The following IL12RB2 variants were observed in gnomAD, a reference collection of about 807,000 sequenced individuals.
IL12RB2 encodes interleukin 12 receptor subunit beta 2.
IL12RB2 carries 82 observed loss-of-function variants against 89.4 expected under a neutral mutation model. That is an observed-to-expected ratio of 0.92 (90% CI 0.77 to 1.10). The LOEUF (loss-of-function observed/expected upper bound fraction) is 1.10. Ranked by LOEUF, IL12RB2 falls within the 50% of genes least tolerant of loss-of-function variation. The pLI, the probability that IL12RB2 is intolerant of heterozygous loss-of-function variation, is 0.00. For missense variants in IL12RB2, 963 were observed against 1,031.9 expected, an observed-to-expected ratio of 0.93 and a Z score of 0.92; for synonymous variants, 368 against 370.1, an observed-to-expected ratio of 0.99 and a Z score of 0.07.
intron 9 of IL12RB2, among the ~76,000 whole-genome samples, chr1:67,349,127 C>G (rs1660554159): frequency 6.6e-6 from 1 of 152,158 alleles, no homozygotes; most frequent in South Asian, 2.1e-4. Context: ...ACATTTCACC[C>G]CTTCCTTTAG....
chr1:67,350,752 T>G (rs1165857084), intron 9 of IL12RB2, 118 bp from the exon 10 acceptor site: 3 of 1,542,988 alleles, frequency 1.9e-6, no homozygotes, highest in Non-Finnish European at 2.6e-6. Context: ...TGAGATGATA[T>G]GAACAAAAAG....
intron 2 of IL12RB2, among the ~76,000 whole-genome samples, chr1:67,315,639 G>A (rs558302140): frequency 6.6e-6 from 1 of 152,068 alleles, no homozygotes; most frequent in Non-Finnish European, 1.5e-5. Flanking sequence ...ATGGGACATG[G>A]GAGACATGAA....
intron 13 of IL12RB2, among the ~76,000 whole-genome samples, chr1:67,373,012 G>A (rs1228583645): frequency 1.3e-5 from 2 of 152,212 alleles, no homozygotes; most frequent in Non-Finnish European, 2.9e-5. Context: ...AAATTGCTAA[G>A]GATACAGAAA....
chr1:67,378,396 G>T (rs17129913), intron 13 of IL12RB2, among the ~76,000 whole-genome samples: 11,384 of 152,050 alleles, frequency 0.075, 841 homozygotes, highest in East Asian at 0.21. Context: ...CTGCAGGGGT[G>T]TTGAGAACAT....
chr1:67,398,130 G>T lies in IL12RB2; in HGVS notation c.*2041G>T, dbSNP rs750721217. Among the ~76,000 whole-genome samples, 1 of 151,838 alleles carries T rather than the reference G, an allele frequency of 6.6e-6. No homozygotes were observed. The highest frequency in any genetic ancestry group is 2.1e-4 in the South Asian group (1 of 4,814). ...CCACTCTATTTAGCTATTATTGTGCGGCACCCCCAATGGTTCCTTTCCTCT... is the reference window on the plus strand; with the variant it reads ...CCACTCTATTTAGCTATTATTGTGCTGCACCCCCAATGGTTCCTTTCCTCT... On this transcript the variant is annotated 3_prime_UTR_variant, in exon 17 of 17. Transcript: ENST00000674203.
chr1:67,340,047 A>G (rs947032033), intron 9 of IL12RB2, among the ~76,000 whole-genome samples: 1 of 152,164 alleles, frequency 6.6e-6, no homozygotes, highest in Non-Finnish European at 1.5e-5. Flanking sequence ...TAAGAATAAC[A>G]ATTATAAAGT....
In IL12RB2 at chr1:67,379,459, G is replaced by A. The variant is rs192500953; in HGVS notation, c.1718-527G>A. Among the ~76,000 whole-genome samples, 11 of 136,612 alleles carry A rather than the reference G, an allele frequency of 8.1e-5. No individual in the cohort carries two copies. The East Asian group carries it at 1.5e-3, about 19-fold the overall frequency. The allele number at this position is 136,612 out of a possible 152,430, so 89.6% of individuals were successfully genotyped here. A position where few individuals can be genotyped will look rare whatever the true frequency, so the allele number is the denominator to read the frequency against. On this transcript the variant is annotated intron_variant, in intron 13 of 16. Transcript: ENST00000674203. ...CAGGAGGCGGAGGTTGCAGTGAGCCGAGATCGCATCACTGCTCTCCAGCCT... is the reference window on the plus strand; with the variant it reads ...CAGGAGGCGGAGGTTGCAGTGAGCCAAGATCGCATCACTGCTCTCCAGCCT...
intron 16 of IL12RB2, among the ~76,000 whole-genome samples, chr1:67,391,623 T>C (rs1665838579): frequency 6.6e-6 from 1 of 151,148 alleles, no homozygotes; most frequent in East Asian, 1.9e-4. Flanking sequence ...CCCATAAACA[T>C]CTCTATGAGG....
rs1337806006 is a variant in IL12RB2, at chr1:67,313,919, G to A, written c.-118G>A. On this transcript the variant is annotated 5_prime_UTR_variant, in exon 2 of 17. In the 5' UTR this introduces an upstream ATG that the reference lacks. Transcript: ENST00000674203. The stretch of plus-strand genomic sequence containing the variant: ...GTCCCCTCTTTTTTTCTAGGTCACG[G>A]TGATCCATTTGTAAAGTCGGGAATA... 1 of 152,188 alleles carries A rather than the reference G, an allele frequency of 6.6e-6. No homozygotes were observed. The highest frequency in any genetic ancestry group is 1.5e-5 in the Non-Finnish European group (1 of 68,052). 9.4% of individuals were successfully genotyped at this position (152,188 alleles called of 1,614,324 possible). A position where few individuals can be genotyped will look rare whatever the true frequency, so the allele number is the denominator to read the frequency against.
intron 10 of IL12RB2, among the ~76,000 whole-genome samples, chr1:67,360,006 A>G (rs1274411738): frequency 6.6e-6 from 1 of 152,164 alleles, no homozygotes; most frequent in East Asian, 1.9e-4. Context: ...ACTGTAACTC[A>G]CAAATTGCTG....
chr1:67,367,905 G>A lies in IL12RB2; in HGVS notation c.1339G>A (p.Asp447Asn), dbSNP rs1662884710. Residue 447 changes from aspartate (D) to asparagine (N), a missense_variant, in exon 11 of 17, where the codon GAT becomes AAT. Coordinates refer to ENST00000674203, the MANE Select transcript of IL12RB2 (RefSeq NM_001374259.2). ...GGTGACTTGGCAGCCTCCCAGGAAA[G>A]ATCCCTCTGCTGTTCAGGAGTACGT... ...ILVTWQPPRKDPSAVQEYVVE... is the reference protein window; with the variant it reads ...ILVTWQPPRKNPSAVQEYVVE... 6.2e-7 allele frequency: 1 copy of A among 1,608,380 alleles called. No individual in the cohort carries two copies. The highest frequency in any genetic ancestry group is 8.5e-7 in the Non-Finnish European group (1 of 1,174,724).
At chr1:67,316,088 T>C (rs1004908147) in intron 2 of IL12RB2, among the ~76,000 whole-genome samples, 55 of 152,202 alleles carry the variant, frequency 3.6e-4, no homozygotes, top group African/African-American at 1.3e-3. Flanking sequence ...CAATTTAAGT[T>C]TTATCCAGGA....
At chr1:67,341,538 A>AAAAGAAAGAG (rs1558317963) in intron 9 of IL12RB2, among the ~76,000 whole-genome samples, 2 of 106,856 alleles carry the variant, frequency 1.9e-5, no homozygotes, top group African/African-American at 7.3e-5. Context: ...AGAGAAAGAA[A>AAAAGAAAGAG]GAAAGAAAGA....
At chr1:67,333,299 AG>A (rs1558310411) in intron 8 of IL12RB2, among the ~76,000 whole-genome samples, 3 of 152,042 alleles carry the variant, frequency 2.0e-5, no homozygotes, top group African/African-American at 7.2e-5. Context: ...TAAACGTAAA[AG>A]GTGTGAATTT....
At chr1:67,319,872 A>G (rs763587758) in intron 2 of IL12RB2, among the ~76,000 whole-genome samples, 8 of 152,264 alleles carry the variant, frequency 5.3e-5, no homozygotes, top group African/African-American at 1.9e-4. Context: ...GTGACCTTAT[A>G]AAAGAGATCC....
chr1:67,398,577 C>T lies in IL12RB2; in HGVS notation c.*2488C>T, dbSNP rs970928124. Reference sequence around the variant, plus strand: ...TAAAGACTCCTAAGGATGCTGAGGCCTCCTCAGCATGATTTCCATATACTT... The same window carrying T: ...TAAAGACTCCTAAGGATGCTGAGGCTTCCTCAGCATGATTTCCATATACTT... On this transcript the variant is annotated 3_prime_UTR_variant, in exon 17 of 17. Coordinates refer to ENST00000674203, the MANE Select transcript of IL12RB2 (RefSeq NM_001374259.2). 4.0e-5 allele frequency among the ~76,000 whole-genome samples: 6 copies of T among 151,472 alleles called. No individual in the cohort carries two copies. Among genetic ancestry groups the T allele is most frequent in the Non-Finnish European group, 8.8e-5 (6 of 67,954 alleles).
chr1:67,326,471 T>C, intron 4 of IL12RB2, among the ~76,000 whole-genome samples: 1 of 152,232 alleles, frequency 6.6e-6, no homozygotes, highest in East Asian at 1.9e-4. Flanking sequence ...CATGGGGTGC[T>C]ACGCTGTCTA....
rs528770281 is a variant in IL12RB2 at position 67,339,316 on chromosome 1, G to A, written c.1038+613G>A. On this transcript the variant is annotated intron_variant, in intron 9 of 16. Coordinates refer to ENST00000674203, the MANE Select transcript of IL12RB2 (RefSeq NM_001374259.2). ...AGCCTGGCCAGCATGGTGAAACCCC[G>A]TCTCTACTGAAAATACAAAAATTAG... Among the ~76,000 whole-genome samples the A allele has an allele frequency of 2.0e-4, 31 of 151,984 alleles. No homozygotes were observed. In the East Asian group the frequency reaches 4.3e-3, roughly 21 times the overall value.
intron 13 of IL12RB2, among the ~76,000 whole-genome samples, chr1:67,374,967 G>A (rs1057343314): frequency 6.6e-6 from 1 of 151,962 alleles, no homozygotes; most frequent in African/African-American, 2.4e-5. Flanking sequence ...AAAGGGGAGG[G>A]AGAGTGCAGA....
Sources: gnomAD v4.1 joint callset for allele counts (sites outside exome capture counted in the v4.1 genomes callset) on GRCh38, gnomAD v4.1.1 for gene constraint, MANE v1.5 for transcripts, NCBI Gene and HGNC (gene_info 2026-07-23, HGNC 2026-07-21) for gene names.